The following LIMCH1 variants were observed in gnomAD, a reference collection of about 807,000 sequenced individuals.
LIMCH1 encodes LIM and calponin homology domains-containing protein 1.
In LIMCH1, 113 loss-of-function variants were observed where a neutral mutation model predicts 176.5. That is an observed-to-expected ratio of 0.64 (90% CI 0.55 to 0.75). LIMCH1 has a LOEUF of 0.75. LIMCH1 is among the 30% of genes least tolerant of loss of function. The probability of loss-of-function intolerance (pLI) is 0.00; values close to 1 mark genes in which losing one functional copy is unlikely to be tolerated. For synonymous variants in LIMCH1, 619 were observed against 645.9 expected (o/e 0.96, Z 0.63); for missense variants, 1,674 against 1,814.9 (o/e 0.92, Z 1.41).
chr4:41,561,177 A>G (rs1337014896), intron 1 of LIMCH1, among the ~76,000 whole-genome samples: 1 of 152,222 alleles, frequency 6.6e-6, no homozygotes, highest in Non-Finnish European at 1.5e-5. Flanking sequence ...CCTAAATATG[A>G]AAGGAAAAGA....
Position 41,626,789 on chromosome 4 carries a change from TGGCAACGA to T in LIMCH1, c.808_815del (p.Gly270PhefsTer6), listed in dbSNP as rs1171305006. The T allele has an allele frequency of 6.5e-7, 1 of 1,536,280 alleles. No individual in the cohort carries two copies. The highest frequency in any genetic ancestry group is 8.7e-7 in the Non-Finnish European group (1 of 1,146,966). ...AAAACTCTTTCCTGACCCACCAACA[TGGCAACGA>T]TTCAGAGGCAGAAGGTGAAGTTGTG... is the stretch of plus-strand genomic sequence containing the variant. On this transcript the variant is annotated frameshift_variant, in exon 8 of 32. Coordinates refer to ENST00000503057, the MANE Select transcript of LIMCH1 (RefSeq NM_001330672.2). LOFTEE classifies it high-confidence loss of function.
At chr4:41,675,854 T>A (rs2095199994) in intron 22 of LIMCH1, among the ~76,000 whole-genome samples, 1 of 152,238 alleles carries the variant, frequency 6.6e-6, no homozygotes, top group Non-Finnish European at 1.5e-5. Context: ...AGTGATCTGC[T>A]TGCCTGGATC....
chr4:41,619,526 T>A (rs1190553722), intron 6 of LIMCH1, 86 bp downstream of exon 6: 2 of 1,534,518 alleles, frequency 1.3e-6, no homozygotes, highest in Non-Finnish European at 1.8e-6. Flanking sequence ...CGAGGTTAAA[T>A]GACCAATTCA....
intron 12 of LIMCH1, 100 bp from the exon 13 acceptor site, chr4:41,633,448 C>T (rs1050023729): frequency 1.4e-6 from 2 of 1,403,926 alleles, no homozygotes; most frequent in African/African-American, 1.4e-5. Context: ...TCCAGGGATG[C>T]TGGCTTCTTC....
At chr4:41,413,980 G>A (rs1168512207) in intron 1 of LIMCH1, among the ~76,000 whole-genome samples, 3 of 152,104 alleles carry the variant, frequency 2.0e-5, no homozygotes, top group Non-Finnish European at 4.4e-5. Context: ...TCTCCAGCCT[G>A]GTAGAATGGG....
intron 1 of LIMCH1, among the ~76,000 whole-genome samples, chr4:41,552,627 A>T (rs1196375913): frequency 1.3e-5 from 2 of 152,180 alleles, no homozygotes; most frequent in African/African-American, 4.8e-5. Flanking sequence ...TTTGTGACAC[A>T]AAGTATTCAA....
chr4:41,496,986 A>G (rs1179781882), intron 2 of LIMCH1, among the ~76,000 whole-genome samples: 3 of 152,224 alleles, frequency 2.0e-5, no homozygotes, highest in African/African-American at 7.2e-5. Context: ...AGAAACATTA[A>G]GAAATATGAG....
At chr4:41,373,779 G>A (rs1323450690) in intron 1 of LIMCH1, among the ~76,000 whole-genome samples, 1 of 152,126 alleles carries the variant, frequency 6.6e-6, no homozygotes, top group Non-Finnish European at 1.5e-5. Context: ...TTATGTCCCT[G>A]CCCAAATCTC....
chr4:41,441,332 A>G (rs2062680315), intron 1 of LIMCH1, among the ~76,000 whole-genome samples: 1 of 152,200 alleles, frequency 6.6e-6, no homozygotes, highest in Admixed American at 6.5e-5. Context: ...TATTTTTAAA[A>G]TTATTGCTAT....
At chr4:41,444,167 GGTTTGA>G (rs1246902514) in intron 1 of LIMCH1, among the ~76,000 whole-genome samples, 1 of 151,966 alleles carries the variant, frequency 6.6e-6, no homozygotes, top group African/African-American at 2.4e-5. Context: ...AGACTCATTT[GGTTTGA>G]GTTTATGTTC....
chr4:41,613,241 A>G (rs971731095), intron 4 of LIMCH1: 2 of 899,952 alleles, frequency 2.2e-6, no homozygotes, highest in African/African-American at 3.4e-5. Context: ...GATTTTTTTA[A>G]AAAAAACGTT....
intron 1 of LIMCH1, among the ~76,000 whole-genome samples, chr4:41,583,229 T>C (rs1247348478): frequency 2.0e-5 from 3 of 152,228 alleles, no homozygotes; most frequent in African/African-American, 7.2e-5. Context: ...TAGTACTTCT[T>C]GTCCTTAGGA....
intron 1 of LIMCH1, among the ~76,000 whole-genome samples, chr4:41,454,514 A>G (rs28575458): frequency 0.031 from 4,691 of 152,036 alleles, 240 homozygotes; most frequent in African/African-American, 0.11. Context: ...AAACTACTGC[A>G]TATTTGAGAG....
intron 1 of LIMCH1, among the ~76,000 whole-genome samples, chr4:41,361,555 C>A (rs763416917): frequency 2.6e-5 from 4 of 152,194 alleles, no homozygotes; most frequent in Non-Finnish European, 5.9e-5. Flanking sequence ...CGCTGCCCAG[C>A]CTTTGGCAAC....
At chr4:41,600,869 C>T (rs1390028329) in intron 2 of LIMCH1, among the ~76,000 whole-genome samples, 1 of 152,160 alleles carries the variant, frequency 6.6e-6, no homozygotes, top group African/African-American at 2.4e-5. Flanking sequence ...GCAAGTGACA[C>T]GTGGATACAG....
chr4:41,508,530 A>G (rs574816708), intron 2 of LIMCH1, among the ~76,000 whole-genome samples: 356 of 152,200 alleles, frequency 2.3e-3, no homozygotes, highest in Non-Finnish European at 3.5e-3. Context: ...TTTGTGAGCC[A>G]TTGTCGGACA....
At chr4:41,390,325 G>A (rs2057089038) in intron 1 of LIMCH1, among the ~76,000 whole-genome samples, 1 of 151,816 alleles carries the variant, frequency 6.6e-6, no homozygotes, top group Non-Finnish European at 1.5e-5. Flanking sequence ...GGAATTCCGG[G>A]GAGTACAGTT....
chr4:41,395,642 A>G (rs1367430112), intron 1 of LIMCH1, among the ~76,000 whole-genome samples: 1 of 152,014 alleles, frequency 6.6e-6, no homozygotes, highest in Non-Finnish European at 1.5e-5. Context: ...CTGGGTCTCA[A>G]TTTTCCTGCT....
In LIMCH1 at chr4:41,619,214, T is replaced by G. The variant is rs1460374214; in HGVS notation, c.232T>G (p.Leu78Val). 1 of 1,614,082 alleles carries G rather than the reference T, an allele frequency of 6.2e-7. No homozygotes were observed. The highest frequency in any genetic ancestry group is 8.5e-7 in the Non-Finnish European group (1 of 1,180,032). The change falls in exon 6 of 32, where the codon TTG becomes GTG. Residue 78 changes from leucine (L) to valine (V), a missense_variant. By Grantham distance (32) the Leu-to-Val change is conservative. Coordinates refer to ENST00000503057, the MANE Select transcript of LIMCH1 (RefSeq NM_001330672.2). Reference sequence around the variant, plus strand: ...GAGAGGAAGCGACTCTGAATCCGACTTGCCTCATCGGAAGCTGCCAGATGT... The same window carrying G: ...GAGAGGAAGCGACTCTGAATCCGACGTGCCTCATCGGAAGCTGCCAGATGT... ...DGRGSDSESD[L>V]PHRKLPDVKK...
Sources: gnomAD v4.1 joint callset for allele counts (sites outside exome capture counted in the v4.1 genomes callset) on GRCh38, gnomAD v4.1.1 for gene constraint, MANE v1.5 for transcripts, NCBI Gene and HGNC (gene_info 2026-07-23, HGNC 2026-07-21) for gene names.